Variants in GBE1 observed in about 807,000 individuals in gnomAD.
The protein encoded by GBE1 is 1,4-alpha-glucan branching enzyme 1, also known as 1,4-alpha-glucan-branching enzyme.
A neutral mutation model predicts 88.8 loss-of-function variants in GBE1; 70 were observed. The ratio of observed to expected loss-of-function variants is 0.79; its 90% CI spans 0.65 to 0.96. The LOEUF (loss-of-function observed/expected upper bound fraction) is 0.96, where lower values mean the gene tolerates loss of function less well. Ranked by LOEUF, GBE1 falls within the 40% of genes least tolerant of loss-of-function variation. The pLI, the probability that GBE1 is intolerant of heterozygous loss-of-function variation, is 0.00. For missense variants in GBE1, 872 were observed against 871.0 expected (o/e 1.00, Z -0.01); for synonymous variants, 284 against 300.1 (o/e 0.95, Z 0.56).
At position 81,705,470 on chromosome 3, in the gene GBE1, T is replaced by C. The variant is rs1705760375; in HGVS notation, c.287A>G (p.Glu96Gly). 3 of 1,596,386 alleles carry C rather than the reference T, an allele frequency of 1.9e-6. No individual in the cohort carries two copies. Among genetic ancestry groups the C allele is most frequent in the Admixed American group, 1.8e-5 (1 of 57,132 alleles). ...LYCKEWAPGAEGVFLTGDFNG... is the reference protein window; with the variant it reads ...LYCKEWAPGAGGVFLTGDFNG... ...AAAATCTCCAGTAAGAAAAACTCCT[T>C]CTGCTCCCGGGGCCCATTCTTTGCA... The change falls in exon 2 of 16, where the codon GAA becomes GGA. Residue 96 changes from glutamate to glycine, a missense_variant. Transcript: ENST00000429644.
At chr3:81,505,762 G>A (rs571632000) in intron 14 of GBE1, among the ~76,000 whole-genome samples, 2 of 152,070 alleles carry the variant, frequency 1.3e-5, no homozygotes, top group East Asian at 1.9e-4. Flanking sequence ...GTCTATGTGT[G>A]TGTGTATTTG....
At chr3:81,759,665 T>C (rs974133763) in intron 1 of GBE1, among the ~76,000 whole-genome samples, 2 of 152,218 alleles carry the variant, frequency 1.3e-5, no homozygotes, top group African/African-American at 4.8e-5. Flanking sequence ...GAGGGCCCAC[T>C]GGACGAGACT....
At chr3:81,546,850 C>G (rs906559242) in intron 12 of GBE1, among the ~76,000 whole-genome samples, 40 of 151,476 alleles carry the variant, frequency 2.6e-4, no homozygotes, top group African/African-American at 9.2e-4. Context: ...TCACTTTACT[C>G]TATGGACTCT....
At chr3:81,509,634 T>C (rs1702699528) in intron 14 of GBE1, 2 of 151,858 alleles carry the variant, frequency 1.3e-5, no homozygotes. Context: ...GTGAGTGTCT[T>C]TTCATTATTT....
intron 1 of GBE1, among the ~76,000 whole-genome samples, chr3:81,746,460 G>A (rs1329823177): frequency 6.6e-6 from 1 of 151,864 alleles, no homozygotes; most frequent in Non-Finnish European, 1.5e-5. Flanking sequence ...GGATCTCACT[G>A]TATTGCCCAG....
At chr3:81,530,956 A>T (rs1703003774) in intron 14 of GBE1, among the ~76,000 whole-genome samples, 1 of 151,814 alleles carries the variant, frequency 6.6e-6, no homozygotes, top group Non-Finnish European at 1.5e-5. Flanking sequence ...GCCATGCTGA[A>T]GCTATGGCCT....
chr3:81,601,744 GAAAT>G (rs2106970222), intron 7 of GBE1, among the ~76,000 whole-genome samples: 2 of 152,226 alleles, frequency 1.3e-5, no homozygotes, highest in South Asian at 4.2e-4. Flanking sequence ...TTCTCATACT[GAAAT>G]AAATCATAAA....
intron 12 of GBE1, among the ~76,000 whole-genome samples, chr3:81,556,297 TAAATG>T (rs1339852841): frequency 1.3e-5 from 2 of 151,850 alleles, no homozygotes; most frequent in African/African-American, 4.8e-5. Flanking sequence ...TATTCATAGA[TAAATG>T]AAATTCCTCA....
chr3:81,548,373 G>A (rs1317015322), intron 12 of GBE1, among the ~76,000 whole-genome samples: 1 of 151,312 alleles, frequency 6.6e-6, no homozygotes, highest in African/African-American at 2.4e-5. Flanking sequence ...GGTGAAATTT[G>A]GCTTATTTGG....
At chr3:81,748,526 G>C (rs897828649) in intron 1 of GBE1, among the ~76,000 whole-genome samples, 2 of 151,310 alleles carry the variant, frequency 1.3e-5, no homozygotes, top group Non-Finnish European at 2.9e-5. Context: ...CAGGAGAATG[G>C]CGTGAACCCG....
At chr3:81,509,408 G>A (rs906682305) in intron 14 of GBE1, 1 of 150,424 alleles carries the variant, frequency 6.6e-6, no homozygotes, top group Non-Finnish European at 1.5e-5. Flanking sequence ...ACACTCTCCT[G>A]CACCTGCCTT....
At chr3:81,507,802 T>C (rs1339620110) in intron 14 of GBE1, among the ~76,000 whole-genome samples, 1 of 152,048 alleles carries the variant, frequency 6.6e-6, no homozygotes, top group Non-Finnish European at 1.5e-5. Flanking sequence ...AACACTGTCT[T>C]CGTTAAAAGT....
intron 7 of GBE1, among the ~76,000 whole-genome samples, chr3:81,620,662 G>A (rs1357887385): frequency 1.3e-5 from 2 of 152,098 alleles, no homozygotes; most frequent in African/African-American, 4.8e-5. Context: ...GTAAAATGGG[G>A]AGGGTTTTTA....
chr3:81,536,441 G>T (rs1313376185), intron 13 of GBE1, among the ~76,000 whole-genome samples: 1 of 151,634 alleles, frequency 6.6e-6, no homozygotes, highest in East Asian at 1.9e-4. Context: ...ATACAAAACA[G>T]CATGCAGGTA....
chr3:81,750,507 T>A, intron 1 of GBE1, among the ~76,000 whole-genome samples: 1 of 136,446 alleles, frequency 7.3e-6, no homozygotes, highest in African/African-American at 2.8e-5. Flanking sequence ...AAGAAACCAA[T>A]TTCATCTCAA....
At chr3:81,553,085 T>C (rs927950868) in intron 12 of GBE1, among the ~76,000 whole-genome samples, 5 of 152,216 alleles carry the variant, frequency 3.3e-5, no homozygotes, top group Non-Finnish European at 7.3e-5. Context: ...TAGAAATCTA[T>C]TATGAATGTA....
chr3:81,657,493 A>G (rs914704522), intron 3 of GBE1, among the ~76,000 whole-genome samples: 12 of 152,288 alleles, frequency 7.9e-5, no homozygotes, highest in Admixed American at 2.6e-4. Flanking sequence ...CTTTGAGTTT[A>G]TATTTCTATT....
At chr3:81,711,591 G>A (rs886353483) in intron 1 of GBE1, among the ~76,000 whole-genome samples, 14 of 152,030 alleles carry the variant, frequency 9.2e-5, no homozygotes, top group Non-Finnish European at 1.9e-4. Flanking sequence ...TGCTGCTTTG[G>A]TTAGTGCAGC....
In GBE1 at chr3:81,540,064, A is replaced by T. The variant is rs181249730; in HGVS notation, c.1619-2969T>A. Among the ~76,000 whole-genome samples, 43 of 152,114 alleles carry T rather than the reference A, an allele frequency of 2.8e-4. No homozygotes were observed. The East Asian group carries it at 8.2e-3, about 29-fold the overall frequency. ...CTGAGAGCAATGGTTAGCAGGGTAA[A>T]GGGGACATTAGAAGAAAACATAGAA... On this transcript the variant is annotated intron_variant, in intron 12 of 15. Transcript: ENST00000429644.
Sources: gnomAD v4.1 joint callset for allele counts (sites outside exome capture counted in the v4.1 genomes callset) on GRCh38, gnomAD v4.1.1 for gene constraint, MANE v1.5 for transcripts, NCBI Gene and HGNC (gene_info 2026-07-23, HGNC 2026-07-21) for gene names.